Variants in HSH2D observed in about 807,000 individuals in gnomAD.
HSH2D encodes the protein hematopoietic SH2 domain-containing protein.
Under a neutral mutation model 21.5 loss-of-function variants are expected in HSH2D, and 16 were observed. The ratio of observed to expected loss-of-function variants is 0.74; its 90% CI spans 0.50 to 1.13. HSH2D has a LOEUF of 1.13. Ranked by LOEUF, HSH2D falls within the 50% of genes most tolerant of loss-of-function variation. The pLI is 0.00. For synonymous variants in HSH2D, 172 were observed against 184.7 expected (o/e 0.93, Z 0.56); for missense variants, 418 against 441.4 (o/e 0.95, Z 0.47).
At position 16,154,484 on chromosome 19, in the gene HSH2D, C is replaced by A; in HGVS notation, c.467C>A (p.Pro156His). The change falls in exon 5 of 6, where the codon CCT becomes CAT. Residue 156 changes from proline to histidine, a missense_variant. Pro to His is a moderately conservative substitution (Grantham distance 77). Transcript: ENST00000613986. ...GAAGCTGCCTGCCCGGTGTCTGCCC[C>A]TGAGGAGGTATGTATATGACAGGAG... ...AEEAACPVSA[P>H]EEASPKPVLC... 6.4e-7 allele frequency: 1 copy of A among 1,550,726 alleles called. No homozygotes were observed. The highest frequency in any genetic ancestry group is 1.2e-5 in the South Asian group (1 of 84,050).
chr19:16,136,348 T>A (rs1193090783), intron 1 of HSH2D, among the ~76,000 whole-genome samples: 2 of 152,012 alleles, frequency 1.3e-5, no homozygotes, highest in Non-Finnish European at 2.9e-5. Context: ...TGGGAACCCA[T>A]CCTGTGCCTG....
chr19:16,145,482 G>A (rs1042820113), intron 1 of HSH2D, among the ~76,000 whole-genome samples: 10 of 152,246 alleles, frequency 6.6e-5, no homozygotes, highest in Middle Eastern at 3.4e-3. Flanking sequence ...GACAGTGCTG[G>A]GATTACAGGT....
chr19:16,138,327 C>T (rs553904089), intron 1 of HSH2D, among the ~76,000 whole-genome samples: 65 of 152,308 alleles, frequency 4.3e-4, no homozygotes, highest in African/African-American at 1.6e-3. Context: ...GATGATGGAA[C>T]CACGTTTTGT....
At chr19:16,153,919 C>T (rs945593234) in intron 4 of HSH2D, among the ~76,000 whole-genome samples, 8 of 151,432 alleles carry the variant, frequency 5.3e-5, no homozygotes, top group African/African-American at 1.2e-4. Context: ...TGCCTAGTCC[C>T]CAAGAAACTG....
chr19:16,157,681 G>A lies in HSH2D; in HGVS notation c.946G>A (p.Ala316Thr). 6.2e-7 allele frequency: 1 copy of A among 1,613,320 alleles called. No homozygotes were observed. Among genetic ancestry groups the A allele is most frequent in the Non-Finnish European group, 8.5e-7 (1 of 1,179,640 alleles). ...DRSWHQMVVR[A>T]LSSQESKPEH... ...GAGTTGGCACCAAATGGTAGTGAGA[G>A]CCCTATCCTCCCAGGAGTCCAAGCC... The change falls in exon 6 of 6, where the codon GCC becomes ACC. Residue 316 changes from alanine to threonine, a missense_variant. Transcript: ENST00000613986. This position sits in a 1 kb window ranked among gnomAD's most constrained non-coding sequence, Gnocchi z 4.4.
chr19:16,154,308 A>G (rs1054239596), intron 4 of HSH2D, 91 bp from the exon 5 acceptor site: 2 of 782,958 alleles, frequency 2.6e-6, no homozygotes, highest in Non-Finnish European at 4.1e-6. Context: ...ACTGCTATTC[A>G]AGGGATGGTC....
At chr19:16,155,317 TG>T (rs1481706913) in intron 5 of HSH2D, among the ~76,000 whole-genome samples, 1 of 151,730 alleles carries the variant, frequency 6.6e-6, no homozygotes, top group African/African-American at 2.4e-5. Flanking sequence ...CTAGAGGAGG[TG>T]GCTTATAGCT....
intron 1 of HSH2D, among the ~76,000 whole-genome samples, chr19:16,147,720 A>G (rs1185217420): frequency 2.6e-5 from 4 of 151,220 alleles, no homozygotes; most frequent in African/African-American, 9.7e-5. Context: ...ATCTCGGCTC[A>G]CTGCAGCCTC....
intron 1 of HSH2D, among the ~76,000 whole-genome samples, chr19:16,148,008 G>A (rs1037001948): frequency 2.6e-5 from 4 of 152,032 alleles, no homozygotes; most frequent in Non-Finnish European, 1.5e-5. Flanking sequence ...CCCCAGGCTG[G>A]AGTGCAGTGG....
chr19:16,135,272 A>G (rs1165810186), intron 1 of HSH2D, among the ~76,000 whole-genome samples: 1 of 151,970 alleles, frequency 6.6e-6, no homozygotes, highest in Non-Finnish European at 1.5e-5. Flanking sequence ...ACTCCGTCTC[A>G]AAAAAATAAA....
chr19:16,139,734 C>T (rs556084503), upstream of HSH2D: 1 of 152,390 alleles, frequency 6.6e-6, no homozygotes, highest in South Asian at 2.1e-4. Flanking sequence ...GGCCCACTTA[C>T]CAGCTGCGGC....
chr19:16,140,310 T>TA (rs538074140), upstream of HSH2D, among the ~76,000 whole-genome samples: 27 of 150,092 alleles, frequency 1.8e-4, no homozygotes, highest in South Asian at 5.5e-3. Context: ...CTCAAAAAAA[T>TA]AAAAAATAAA....
chr19:16,150,632 G>A (rs946532544), intron 2 of HSH2D, among the ~76,000 whole-genome samples: 1 of 151,558 alleles, frequency 6.6e-6, no homozygotes, highest in Admixed American at 6.6e-5. Context: ...AACCCTGCAG[G>A]CAGAGATCAT....
chr19:16,139,753 A>C (rs987469684), upstream of HSH2D: 2 of 152,208 alleles, frequency 1.3e-5, no homozygotes, highest in African/African-American at 4.8e-5. Context: ...GCCTCTGCTG[A>C]GAAGCCCAGA....
chr19:16,142,800 T>A (rs776433087), upstream of HSH2D, among the ~76,000 whole-genome samples: 1 of 150,096 alleles, frequency 6.7e-6, no homozygotes, highest in Admixed American at 6.7e-5. Flanking sequence ...GGGGACAGAA[T>A]TTCCCTCTGT....
At chr19:16,137,045 G>A (rs1253793970) in intron 1 of HSH2D, among the ~76,000 whole-genome samples, 1 of 152,082 alleles carries the variant, frequency 6.6e-6, no homozygotes, top group Non-Finnish European at 1.5e-5. Flanking sequence ...CCACGTCCTT[G>A]TTCTCCATGG....
At chr19:16,135,052 T>G (rs930306342) in intron 1 of HSH2D, among the ~76,000 whole-genome samples, 2 of 147,334 alleles carry the variant, frequency 1.4e-5, no homozygotes, top group Non-Finnish European at 3.0e-5. Flanking sequence ...GTGGTTCACC[T>G]GAGGTCAGGA....
upstream of HSH2D, chr19:16,139,844 C>T (rs1455947594): frequency 3.9e-5 from 6 of 152,208 alleles, no homozygotes. Flanking sequence ...AGGGCACCTT[C>T]GTTTTCCCCT....
At position 16,157,184 on chromosome 19, in the gene HSH2D, C is replaced by T; in HGVS notation, c.475-26C>T. On this transcript the variant is annotated intron_variant, in intron 5 of 5. Transcript: ENST00000613986. This position sits in a 1 kb window ranked among gnomAD's most constrained non-coding sequence, Gnocchi z 4.4. ...TGGTGCTCTGGTGGGCAAGCTGCCC[C>T]AGGCCTCCCCTACTCTCATTTTCAG... 1 of 1,507,344 alleles carries T rather than the reference C, an allele frequency of 6.6e-7. No homozygotes were observed. The highest frequency in any genetic ancestry group is 8.9e-7 in the Non-Finnish European group (1 of 1,125,660). The allele number at this position is 1,507,344 out of a possible 1,614,324, so 93.4% of individuals were successfully genotyped here.
Sources: gnomAD v4.1 joint callset for allele counts (sites outside exome capture counted in the v4.1 genomes callset) on GRCh38, gnomAD v4.1.1 for gene constraint, Gnocchi (gnomAD v3.1) non-coding constraint, MANE v1.5 for transcripts, NCBI Gene and HGNC (gene_info 2026-07-23, HGNC 2026-07-21) for gene names.